The following ADGRB3 variants were observed in gnomAD, a reference collection of about 807,000 sequenced individuals.
ADGRB3 encodes the protein brain-specific angiogenesis inhibitor 3.
A neutral mutation model predicts 193.4 loss-of-function variants in ADGRB3; 37 were observed. The observed-to-expected ratio is 0.19, with a 90% CI of 0.15 to 0.25. ADGRB3 has a LOEUF of 0.25. Ranked by LOEUF, ADGRB3 falls within the 10% of genes least tolerant of loss-of-function variation. The probability of loss-of-function intolerance (pLI) is 1.00; values close to 1 mark genes in which losing one functional copy is unlikely to be tolerated. For missense variants in ADGRB3, 1,637 were observed against 1,852.9 expected, an observed-to-expected ratio of 0.88 and a Z score of 2.14; for synonymous variants, 690 against 644.2, an observed-to-expected ratio of 1.07 and a Z score of -1.08.
At chr6:68,898,017 G>T (rs72902999) in intron 3 of ADGRB3, among the ~76,000 whole-genome samples, 38,231 of 147,408 alleles carry the variant, frequency 0.26, 6,019 homozygotes, top group Middle Eastern at 0.44. Flanking sequence ...TATATATATA[G>T]AGAGAGAGGG....
chr6:69,138,695 T>G (rs1404860369), intron 17 of ADGRB3, among the ~76,000 whole-genome samples: 1 of 152,152 alleles, frequency 6.6e-6, no homozygotes, highest in African/African-American at 2.4e-5. Context: ...ATTAATGAGA[T>G]TTACAATATT....
chr6:69,333,731 C>T (rs181773945), intron 24 of ADGRB3, among the ~76,000 whole-genome samples: 8 of 150,772 alleles, frequency 5.3e-5, no homozygotes, highest in African/African-American at 1.5e-4. Flanking sequence ...GGGCAGATCA[C>T]GAGATCGAGA....
chr6:68,840,392 T>C, intron 3 of ADGRB3, among the ~76,000 whole-genome samples: 1 of 70,790 alleles, frequency 1.4e-5, no homozygotes, highest in Non-Finnish European at 3.1e-5. Flanking sequence ...TTTTTTTTTT[T>C]TTTTTTTTTT....
intron 20 of ADGRB3, among the ~76,000 whole-genome samples, chr6:69,259,207 A>G (rs1264272593): frequency 6.6e-6 from 1 of 152,164 alleles, no homozygotes; most frequent in East Asian, 1.9e-4. Flanking sequence ...AAATTAATGC[A>G]AGTTCTCAGC....
chr6:68,681,162 T>G (rs1307298950), intron 3 of ADGRB3, among the ~76,000 whole-genome samples: 2 of 152,112 alleles, frequency 1.3e-5, no homozygotes, highest in African/African-American at 4.8e-5. Flanking sequence ...AGAGCTAGAA[T>G]GCACTCATTA....
chr6:68,853,024 T>C (rs1254473362), intron 3 of ADGRB3, among the ~76,000 whole-genome samples: 2 of 152,028 alleles, frequency 1.3e-5, no homozygotes, highest in Non-Finnish European at 2.9e-5. Flanking sequence ...GCAGACTTGA[T>C]CCATTTGACC....
intron 27 of ADGRB3, among the ~76,000 whole-genome samples, chr6:69,354,841 A>C (rs1270294322): frequency 6.6e-6 from 1 of 152,174 alleles, no homozygotes; most frequent in Non-Finnish European, 1.5e-5. Context: ...TTTTAGTGAA[A>C]GACCAGTTAT....
At chr6:69,092,116 G>A (rs1421639554) in intron 17 of ADGRB3, among the ~76,000 whole-genome samples, 3 of 152,108 alleles carry the variant, frequency 2.0e-5, no homozygotes, top group Admixed American at 2.0e-4. Context: ...CTTCACCTTT[G>A]TTAGCAAAGA....
At chr6:68,923,724 C>A (rs1201557001) in intron 3 of ADGRB3, among the ~76,000 whole-genome samples, 1 of 151,930 alleles carries the variant, frequency 6.6e-6, no homozygotes, top group Non-Finnish European at 1.5e-5. Context: ...AGAGAATTGT[C>A]CATCCTTTTG....
intron 15 of ADGRB3, among the ~76,000 whole-genome samples, chr6:69,060,329 A>G (rs509043): frequency 0.49 from 74,576 of 150,842 alleles, 20,500 homozygotes; most frequent in East Asian, 0.96. Flanking sequence ...ACCAGGCCAG[A>G]TGAGCAGCTG....
At chr6:68,840,035 C>T (rs1416073045) in intron 3 of ADGRB3, among the ~76,000 whole-genome samples, 1 of 152,142 alleles carries the variant, frequency 6.6e-6, no homozygotes, top group African/African-American at 2.4e-5. Flanking sequence ...AGAGGGGAAT[C>T]GCCCATCCCA....
chr6:68,938,370 T>C (rs1767538309), intron 5 of ADGRB3, among the ~76,000 whole-genome samples: 1 of 151,670 alleles, frequency 6.6e-6, no homozygotes, highest in Non-Finnish European at 1.5e-5. Context: ...CAGGGGATTC[T>C]ATTTTATTTT....
chr6:69,104,187 T>TC lies in ADGRB3; in HGVS notation c.2480+28154dup, dbSNP rs763931756. On this transcript the variant is annotated intron_variant, in intron 17 of 31. Coordinates refer to ENST00000370598, the MANE Select transcript of ADGRB3 (RefSeq NM_001704.3). Reference sequence around the variant, plus strand: ...ATCTCCCAATGCTATCCCTCCCCCCTCCCCCGACCCCACAACAGTCCCCAG... The same window carrying TC: ...ATCTCCCAATGCTATCCCTCCCCCCTCCCCCCGACCCCACAACAGTCCCCAG... 1.5e-3 allele frequency among the ~76,000 whole-genome samples: 121 copies of TC among 80,770 alleles called. 4 individuals carry two copies. In the East Asian group the frequency reaches 0.037, roughly 25 times the overall value. The allele number at this position is 80,770 out of a possible 152,430, so 53.0% of individuals were successfully genotyped here. A position where few individuals can be genotyped will look rare whatever the true frequency, so the allele number is the denominator to read the frequency against.
chr6:68,743,157 T>G (rs1266290163), intron 3 of ADGRB3, among the ~76,000 whole-genome samples: 1 of 152,082 alleles, frequency 6.6e-6, no homozygotes, highest in Non-Finnish European at 1.5e-5. Flanking sequence ...TTCCTTCTTT[T>G]ATTGTTATTC....
chr6:68,678,245 G>A (rs987100249), intron 3 of ADGRB3, among the ~76,000 whole-genome samples: 4 of 152,094 alleles, frequency 2.6e-5, no homozygotes, highest in Non-Finnish European at 4.4e-5. Context: ...CTAGGCCAGC[G>A]TTTCCATAAG....
At chr6:69,361,890 TG>T (rs905884446) in intron 29 of ADGRB3, among the ~76,000 whole-genome samples, 1 of 151,948 alleles carries the variant, frequency 6.6e-6, no homozygotes, top group Non-Finnish European at 1.5e-5. Context: ...CAGGTCCTTT[TG>T]GTGCACAGTG....
chr6:68,958,282 G>A (rs1768135364), intron 8 of ADGRB3, among the ~76,000 whole-genome samples: 1 of 152,104 alleles, frequency 6.6e-6, no homozygotes, highest in Non-Finnish European at 1.5e-5. Flanking sequence ...CAGCATGCAG[G>A]GTTGTTAAGA....
chr6:68,955,474 T>C (rs992802415), intron 6 of ADGRB3, among the ~76,000 whole-genome samples: 1 of 152,160 alleles, frequency 6.6e-6, no homozygotes, highest in African/African-American at 2.4e-5. Context: ...ATAAATATTT[T>C]TGAAGAAATA....
At chr6:68,734,465 T>C (rs771528662) in intron 3 of ADGRB3, among the ~76,000 whole-genome samples, 8 of 152,028 alleles carry the variant, frequency 5.3e-5, no homozygotes, top group South Asian at 2.1e-4. Context: ...GGTTCAATCT[T>C]GGGCATGCAT....
Sources: gnomAD v4.1 joint callset for allele counts (sites outside exome capture counted in the v4.1 genomes callset) on GRCh38, gnomAD v4.1.1 for gene constraint, MANE v1.5 for transcripts, NCBI Gene and HGNC (gene_info 2026-07-23, HGNC 2026-07-21) for gene names.